SELENOO: variants seen among roughly 807,000 people sequenced by gnomAD.
The protein encoded by SELENOO is selenoprotein O.
SELENOO carries 74 observed loss-of-function variants against 58.7 expected under a neutral mutation model. The ratio of observed to expected loss-of-function variants is 1.26; its 90% confidence interval spans 1.04 to 1.53. The LOEUF (loss-of-function observed/expected upper bound fraction) is 1.53. Ranked by LOEUF, SELENOO falls within the 40% of genes most tolerant of loss-of-function variation. SELENOO has a pLI of 0.00. For missense variants in SELENOO, 1,149 were observed against 970.0 expected, an observed-to-expected ratio of 1.18 and a Z score of -2.45; for synonymous variants, 543 against 453.2, an observed-to-expected ratio of 1.20 and a Z score of -2.52.
chr22:50,203,774 T>C (rs1231475504), intron 1 of SELENOO, among the ~76,000 whole-genome samples: 1 of 152,188 alleles, frequency 6.6e-6, no homozygotes, highest in Non-Finnish European at 1.5e-5. Context: ...AAATGCCTCA[T>C]GACATTGGAT....
At position 50,217,194 on chromosome 22, in the gene SELENOO, T is replaced by C; in HGVS notation, c.1846-11T>C. The C allele has an allele frequency of 6.2e-7, 1 of 1,612,052 alleles. No homozygotes were observed. The highest frequency in any genetic ancestry group is 8.5e-7 in the Non-Finnish European group (1 of 1,179,208). On this transcript the variant is annotated splice_polypyrimidine_tract_variant and intron_variant, in intron 8 of 8. Transcript: ENST00000380903. ...CGGCCCCAGACCCCTCTCACCCTCC[T>C]GATCCTCCAGGTGCGGCGGGTGCTG...
Position 50,201,214 on chromosome 22 carries a change from G to A in SELENOO, c.178G>A (p.Val60Met), listed in dbSNP as rs1166775955. The A allele has an allele frequency of 5.1e-6, 6 of 1,176,958 alleles. No individual in the cohort carries two copies. In the South Asian group the frequency reaches 1.2e-4, roughly 24 times the overall value. The allele number at this position is 1,176,958 out of a possible 1,614,324, so 72.9% of individuals were successfully genotyped here. ...CAACCGCGCCCTGCGCGCCCTGCCC[G>A]TGGAGGCGCCGCCGCCCGGTCCCGA... ...FDNRALRALP[V>M]EAPPPGPEGA... The change falls in exon 1 of 9, where the codon GTG (valine) becomes ATG (methionine). Residue 60 changes from valine (V) to methionine (M), a missense_variant. Physicochemically the swap from Val to Met is conservative, Grantham distance 21. Coordinates refer to ENST00000380903, the MANE Select transcript of SELENOO (RefSeq NM_031454.2).
At chr22:50,208,331 G>C (rs925323970) in intron 2 of SELENOO, 1 of 459,098 alleles carries the variant, frequency 2.2e-6, no homozygotes, top group African/African-American at 2.0e-5. Flanking sequence ...TCGGGAGGCT[G>C]AGGCAGTAGA....
chr22:50,202,287 A>C (rs2064307851), intron 1 of SELENOO, among the ~76,000 whole-genome samples: 2 of 150,810 alleles, frequency 1.3e-5, no homozygotes, highest in East Asian at 1.9e-4. Context: ...TGCTCTCATC[A>C]CCTCCCCCTC....
Position 50,217,246 on chromosome 22 carries a change from C to T in SELENOO, c.1887C>T (p.Cys629=), listed in dbSNP as rs910888089. The T allele has an allele frequency of 2.0e-5, 33 of 1,611,562 alleles. No individual in the cohort carries two copies. Among genetic ancestry groups the T allele is most frequent in the Admixed American group, 2.0e-4 (12 of 59,888 alleles). The change falls in exon 9 of 9, where the codon TGC becomes TGT. Residue 629 remains cysteine (C), a synonymous_variant. Transcript: ENST00000380903. The part of the protein sequence containing the change: ...VLKLLETPYH[C]EAGAATDAEA... ...AACTACTGGAGACCCCTTACCACTG[C>T]GAGGCGGGGGCCGCCACAGACGCCG...
In SELENOO at chr22:50,217,609, T is replaced by A; in HGVS notation, c.*240T>A. On this transcript the variant is annotated 3_prime_UTR_variant, in exon 9 of 9. Transcript: ENST00000380903. ...CCAGGCTCCTAAATAAACCAGCAACTCCCTCGAGTCTGTCTCTGTGGTCAT... is the reference window on the plus strand; with the variant it reads ...CCAGGCTCCTAAATAAACCAGCAACACCCTCGAGTCTGTCTCTGTGGTCAT... 1 of 1,036,526 alleles carries A rather than the reference T, an allele frequency of 9.6e-7. No homozygotes were observed. The highest frequency in any genetic ancestry group is 1.4e-6 in the Non-Finnish European group (1 of 721,486). The allele number at this position is 1,036,526 out of a possible 1,614,324, so 64.2% of individuals were successfully genotyped here.
chr22:50,205,242 T>C lies in SELENOO; in HGVS notation c.555-1075T>C, dbSNP rs143900396. Among the ~76,000 whole-genome samples, 23 of 151,958 alleles carry C rather than the reference T, an allele frequency of 1.5e-4. 1 individual carries two copies. In the East Asian group the frequency reaches 4.5e-3, roughly 29 times the overall value. On this transcript the variant is annotated intron_variant, in intron 1 of 8. Transcript: ENST00000380903. The stretch of plus-strand genomic sequence containing the variant: ...TCTGGACATGGATGGGGGTGATGGT[T>C]GTGCAACATTATGAACGTATTTAAT...
At chr22:50,210,932 C>A in intron 5 of SELENOO, 21 bp downstream of exon 5, 1 of 1,613,470 alleles carries the variant, frequency 6.2e-7, no homozygotes, top group Non-Finnish European at 8.5e-7. Context: ...CAGCCGTGCC[C>A]ACAGCAAGGC....
At chr22:50,214,965 C>A (rs535840505) in intron 5 of SELENOO, among the ~76,000 whole-genome samples, 1 of 152,212 alleles carries the variant, frequency 6.6e-6, no homozygotes, top group Non-Finnish European at 1.5e-5. Context: ...TCAGTCCATT[C>A]GCTTTCAAAG....
At chr22:50,210,130 G>A (rs1257147274) in intron 3 of SELENOO, 51 bp from the exon 4 acceptor site, 1 of 1,585,522 alleles carries the variant, frequency 6.3e-7, no homozygotes, top group Non-Finnish European at 8.6e-7. Flanking sequence ...CACGAGTGGG[G>A]AGGTCTGGGC....
intron 5 of SELENOO, among the ~76,000 whole-genome samples, chr22:50,213,012 A>G (rs114075437): frequency 4.3e-4 from 66 of 152,328 alleles, no homozygotes; most frequent in African/African-American, 1.4e-3. Context: ...TACACTGTGC[A>G]TGTCTTTCTG....
chr22:50,206,568 C>T (rs762932993), intron 2 of SELENOO, 48 bp downstream of exon 2: 12 of 1,516,216 alleles, frequency 7.9e-6, no homozygotes, highest in African/African-American at 1.4e-5. Context: ...TGCTTAGAGT[C>T]CTAGGAGATT....
At chr22:50,211,405 G>A (rs2064370695) in intron 5 of SELENOO, among the ~76,000 whole-genome samples, 1 of 152,148 alleles carries the variant, frequency 6.6e-6, no homozygotes, top group Non-Finnish European at 1.5e-5. Context: ...TGACTCACTG[G>A]GTTGCACTAG....
intron 5 of SELENOO, among the ~76,000 whole-genome samples, chr22:50,213,630 C>T (rs1360753645): frequency 6.6e-6 from 1 of 151,918 alleles, no homozygotes; most frequent in Admixed American, 6.6e-5. Flanking sequence ...TTCCATTTCT[C>T]ATTGATCTTC....
chr22:50,208,430 C>CA (rs58098510), intron 2 of SELENOO, 106 bp from the exon 3 acceptor site: 19,642 of 870,688 alleles, frequency 0.023, no homozygotes, highest in Non-Finnish European at 0.026. Context: ...GACTCCATCT[C>CA]AAAAAAAAAA....
At chr22:50,216,948 T>A in intron 7 of SELENOO, 24 bp from the exon 8 acceptor site, 1 of 1,604,966 alleles carries the variant, frequency 6.2e-7, no homozygotes, top group Non-Finnish European at 8.5e-7. Flanking sequence ...CGGCTGTGAC[T>A]CCAGAGCCCG....
Position 50,217,075 on chromosome 22 carries a change from A to C in SELENOO, c.1792A>C (p.Asn598His), listed in dbSNP as rs775295931. ...CAACAACCCGAAGTACGTGCTGAGG[A>C]ACTACATCGCGCAGAATGCCATCGA... ...HANNPKYVLR[N>H]YIAQNAIEAA... Residue 598 changes from asparagine to histidine, a missense_variant, in exon 8 of 9, where the codon AAC becomes CAC. Physicochemically the swap from Asn to His is moderately conservative, Grantham distance 68. Transcript: ENST00000380903. 11 of 1,612,940 alleles carry C rather than the reference A, an allele frequency of 6.8e-6. No homozygotes were observed. Among genetic ancestry groups the C allele is most frequent in the Non-Finnish European group, 9.3e-6 (11 of 1,179,948 alleles).
At chr22:50,202,443 C>T (rs771391754) in intron 1 of SELENOO, among the ~76,000 whole-genome samples, 106 of 152,250 alleles carry the variant, frequency 7.0e-4, no homozygotes, top group South Asian at 1.9e-3. Context: ...GGCTCTGGCT[C>T]TCCCTCCCCA....
chr22:50,206,898 GGAGGGGGTCCCTGAGCCT>G (rs1188346064), intron 2 of SELENOO, among the ~76,000 whole-genome samples: 5 of 152,100 alleles, frequency 3.3e-5, no homozygotes, highest in Non-Finnish European at 5.9e-5. Context: ...CTTCTGGGGG[GGAGGGGGTCCCTGAGCCT>G]GAGGCTGGGG....
Sources: allele counts gnomAD v4.1 joint callset (sites outside exome capture counted in the v4.1 genomes callset), GRCh38; gene constraint gnomAD v4.1.1; transcripts MANE v1.5; gene names NCBI Gene and HGNC (gene_info 2026-07-23, HGNC 2026-07-21).